The following TRPM8 variants were observed in gnomAD, a reference collection of about 807,000 sequenced individuals.
The protein encoded by TRPM8 is TRPM8 cationic channel.
In TRPM8, 110 loss-of-function variants were observed where a neutral mutation model predicts 133.7. That is an observed-to-expected ratio of 0.82 (90% CI 0.70 to 0.96). TRPM8 has a LOEUF of 0.96. Ranked by LOEUF, TRPM8 falls within the 40% of genes least tolerant of loss-of-function variation. The pLI, the probability that TRPM8 is intolerant of heterozygous loss-of-function variation, is 0.00. For synonymous variants in TRPM8, 535 were observed against 532.3 expected, an observed-to-expected ratio of 1.01 and a Z score of -0.07; for missense variants, 1,291 against 1,379.5, an observed-to-expected ratio of 0.94 and a Z score of 1.02.
chr2:233,999,676 C>T (rs777573052), intron 22 of TRPM8, among the ~76,000 whole-genome samples: 9 of 152,242 alleles, frequency 5.9e-5, no homozygotes, highest in African/African-American at 9.6e-5. Flanking sequence ...AGCAGAAATG[C>T]GTGGCGCCCT....
chr2:233,929,464 G>T (rs146241120), intron 2 of TRPM8, among the ~76,000 whole-genome samples: 15 of 152,304 alleles, frequency 9.8e-5, no homozygotes, highest in African/African-American at 3.1e-4. Flanking sequence ...TAGCCTTGCT[G>T]CAGGGCATAA....
At chr2:233,961,285 A>T (rs1037796921) in intron 12 of TRPM8, among the ~76,000 whole-genome samples, 1 of 152,112 alleles carries the variant, frequency 6.6e-6, no homozygotes, top group Admixed American at 6.6e-5. Context: ...ATATGATACC[A>T]TATTTCAGAC....
At chr2:234,001,391 G>A (rs138215643) in intron 22 of TRPM8, among the ~76,000 whole-genome samples, 6 of 152,002 alleles carry the variant, frequency 3.9e-5, no homozygotes, top group Non-Finnish European at 8.8e-5. Context: ...CTTATATTCC[G>A]GACGGCCCCC....
intron 22 of TRPM8, among the ~76,000 whole-genome samples, chr2:234,004,948 C>T (rs543458791): frequency 1.3e-5 from 2 of 152,286 alleles, no homozygotes; most frequent in African/African-American, 4.8e-5. Flanking sequence ...AATCTTCAAT[C>T]GTGGAGTAGT....
intron 21 of TRPM8, among the ~76,000 whole-genome samples, chr2:233,992,832 A>G (rs903809655): frequency 6.6e-6 from 1 of 152,224 alleles, no homozygotes; most frequent in Non-Finnish European, 1.5e-5. Context: ...AAGCTGCTAC[A>G]ATGCTTGCTT....
chr2:233,918,146 A>G (rs1691338507), intron 1 of TRPM8, among the ~76,000 whole-genome samples: 1 of 152,088 alleles, frequency 6.6e-6, no homozygotes. Flanking sequence ...CCTTAAGACT[A>G]TTCTATATGT....
intron 1 of TRPM8, among the ~76,000 whole-genome samples, chr2:233,918,003 A>G (rs10170399): frequency 0.4 from 60,782 of 152,168 alleles, 17,696 homozygotes; most frequent in African/African-American, 0.8. Context: ...ATTATTTATA[A>G]GCAAGAGAGA....
At chr2:233,982,666 A>G (rs920065260) in intron 19 of TRPM8, among the ~76,000 whole-genome samples, 2 of 152,242 alleles carry the variant, frequency 1.3e-5, no homozygotes, top group African/African-American at 2.4e-5. Context: ...AAACAAGCAA[A>G]TAAACCAACA....
intron 18 of TRPM8, among the ~76,000 whole-genome samples, chr2:233,981,160 C>A (rs773951996): frequency 2.6e-5 from 4 of 152,216 alleles, no homozygotes; most frequent in African/African-American, 4.8e-5. Context: ...AGATGGTTTA[C>A]AATGAGTGTT....
chr2:234,012,588 C>A (rs1011439755), intron 24 of TRPM8, among the ~76,000 whole-genome samples: 4 of 151,718 alleles, frequency 2.6e-5, no homozygotes, highest in Admixed American at 6.6e-5. Flanking sequence ...ATTTAGATGC[C>A]TTTTCTTTTC....
chr2:233,979,418 T>G (rs897582088), intron 17 of TRPM8, among the ~76,000 whole-genome samples: 1 of 152,192 alleles, frequency 6.6e-6, no homozygotes, highest in Non-Finnish European at 1.5e-5. Context: ...TCTCTGTAAA[T>G]ATATTTGAAT....
chr2:233,980,370 C>A lies in TRPM8; in HGVS notation c.2447+91C>A, dbSNP rs894964577. On this transcript the variant is annotated intron_variant, in intron 18 of 25. Coordinates refer to ENST00000324695, the MANE Select transcript of TRPM8 (RefSeq NM_024080.5). ...CAGACATTTCAAACCCAAGGGAAGT[C>A]TATTACTCATTAGAGATTATTACAC... 6 of 797,338 alleles carry A rather than the reference C, an allele frequency of 7.5e-6. No homozygotes were observed. In the African/African-American group the frequency reaches 1.1e-4, roughly 14 times the overall value. 49.4% of individuals were successfully genotyped at this position (797,338 alleles called of 1,614,324 possible). A position where few individuals can be genotyped will look rare whatever the true frequency, so the allele number is the denominator to read the frequency against.
At chr2:233,970,535 C>G in intron 17 of TRPM8, 109 bp downstream of exon 17, 1 of 1,077,288 alleles carries the variant, frequency 9.3e-7, no homozygotes, top group East Asian at 2.4e-5. Context: ...CACTATTTTC[C>G]CAAAATAAAT....
At chr2:233,949,183 C>T (rs1026529823) in intron 8 of TRPM8, among the ~76,000 whole-genome samples, 1 of 152,228 alleles carries the variant, frequency 6.6e-6, no homozygotes. Context: ...CTGTGACTCT[C>T]ACCCTCTGTG....
intron 17 of TRPM8, among the ~76,000 whole-genome samples, chr2:233,977,517 G>C (rs1231099747): frequency 6.6e-6 from 1 of 152,238 alleles, no homozygotes; most frequent in Non-Finnish European, 1.5e-5. Context: ...CTGCCTCCCA[G>C]AGCAGGGCAT....
rs1228174231 is a variant in TRPM8 at position 234,006,764 on chromosome 2, A to T, written c.3131-89A>T. ...GGACGAATCTCATTCTTAGTTCTAGAGTCTCACAAAATGCCTTAGAAGATC... is the reference window on the plus strand; with the variant it reads ...GGACGAATCTCATTCTTAGTTCTAGTGTCTCACAAAATGCCTTAGAAGATC... On this transcript the variant is annotated intron_variant, in intron 22 of 25. Transcript: ENST00000324695. 5.5e-6 allele frequency: 5 copies of T among 908,676 alleles called. No homozygotes were observed. The East Asian group carries it at 1.4e-4, about 25-fold the overall frequency. 56.3% of individuals were successfully genotyped at this position (908,676 alleles called of 1,614,324 possible). A position where few individuals can be genotyped will look rare whatever the true frequency, so the allele number is the denominator to read the frequency against.
At chr2:233,943,586 G>A (rs1180001715) in intron 6 of TRPM8, among the ~76,000 whole-genome samples, 1 of 152,172 alleles carries the variant, frequency 6.6e-6, no homozygotes, top group Non-Finnish European at 1.5e-5. Flanking sequence ...ATTGTCCTTG[G>A]TTAAATGGGC....
chr2:233,996,019 G>T (rs1306597276), intron 21 of TRPM8, among the ~76,000 whole-genome samples: 1 of 147,600 alleles, frequency 6.8e-6, no homozygotes, highest in African/African-American at 2.5e-5. Context: ...CATAAGAAAT[G>T]AATAAAAAAA....
In TRPM8 at chr2:233,981,800, T is replaced by C; in HGVS notation, c.2474T>C (p.Leu825Ser). 2.5e-6 allele frequency: 4 copies of C among 1,612,954 alleles called. No individual in the cohort carries two copies. Among genetic ancestry groups the C allele is most frequent in the Non-Finnish European group, 3.4e-6 (4 of 1,179,640 alleles). The change falls in exon 19 of 26, where the codon TTG becomes TCG. Residue 825 changes from leucine (L) to serine (S), a missense_variant. Physicochemically the swap from Leu to Ser is moderately radical, Grantham distance 145. Coordinates refer to ENST00000324695, the MANE Select transcript of TRPM8 (RefSeq NM_024080.5). The part of the protein sequence containing the change: ...FRLHSSNKSS[L>S]YSGRVIFCLD... ...CTCCACTCTTCTAATAAAAGCTCTT[T>C]GTATTCTGGACGAGTCATTTTCTGT...
Sources: gnomAD v4.1 joint callset for allele counts (sites outside exome capture counted in the v4.1 genomes callset) on GRCh38, gnomAD v4.1.1 for gene constraint, MANE v1.5 for transcripts, NCBI Gene and HGNC (gene_info 2026-07-23, HGNC 2026-07-21) for gene names.